Variants in GNAQ observed in about 807,000 individuals in gnomAD.
GNAQ encodes the protein G protein subunit alpha q.
GNAQ carries 8 observed loss-of-function variants against 43.9 expected under a neutral mutation model. The observed-to-expected ratio is 0.18, with a 90% CI of 0.11 to 0.33. GNAQ has a LOEUF of 0.33. GNAQ is among the 10% of genes least tolerant of loss of function. The pLI, the probability that GNAQ is intolerant of heterozygous loss-of-function variation, is 1.00. For synonymous variants in GNAQ, 155 were observed against 170.7 expected (o/e 0.91, Z 0.71); for missense variants, 158 against 450.8 (o/e 0.35, Z 5.88).
chr9:77,797,707 C>A (rs1309738066), intron 3 of GNAQ, 59 bp from the exon 4 acceptor site: 4 of 1,535,550 alleles, frequency 2.6e-6, no homozygotes, highest in African/African-American at 2.8e-5. Context: ...AAGCTGTCTA[C>A]GGAAAGGGAA....
At chr9:77,724,665 C>G (rs1825369581) in intron 6 of GNAQ, among the ~76,000 whole-genome samples, 2 of 152,042 alleles carry the variant, frequency 1.3e-5, no homozygotes, top group South Asian at 4.1e-4. Flanking sequence ...GAGATTACTC[C>G]AATAAACTTA....
intron 5 of GNAQ, among the ~76,000 whole-genome samples, chr9:77,744,714 T>G (rs1825704775): frequency 6.6e-6 from 1 of 152,218 alleles, no homozygotes; most frequent in African/African-American, 2.4e-5. Context: ...ACCATCTTGC[T>G]GTATGCTACT....
rs535816477 is a variant in GNAQ, at chr9:77,840,148, T to C, written c.322-24378A>G. On this transcript the variant is annotated intron_variant, in intron 2 of 6. Transcript: ENST00000286548. Reference sequence around the variant, plus strand: ...TTCCTTTGCCATTTTGGATGCATAGTGTATTCAGTAAATGGTTGGTTGAAT... The same window carrying C: ...TTCCTTTGCCATTTTGGATGCATAGCGTATTCAGTAAATGGTTGGTTGAAT... Among the ~76,000 whole-genome samples the C allele has an allele frequency of 1.7e-4, 26 of 152,322 alleles. No individual in the cohort carries two copies. The South Asian group carries it at 4.8e-3, about 28-fold the overall frequency.
chr9:77,902,728 A>G (rs1384771773), intron 2 of GNAQ, among the ~76,000 whole-genome samples: 1 of 152,206 alleles, frequency 6.6e-6, no homozygotes, highest in Non-Finnish European at 1.5e-5. Flanking sequence ...GTTTTTGTAC[A>G]AAACAGGATA....
At chr9:77,910,315 A>G (rs1828778872) in intron 2 of GNAQ, among the ~76,000 whole-genome samples, 1 of 152,306 alleles carries the variant, frequency 6.6e-6, no homozygotes, top group East Asian at 1.9e-4. Context: ...GCTCCAACAA[A>G]TATATTCTGC....
intron 5 of GNAQ, among the ~76,000 whole-genome samples, chr9:77,786,118 C>T (rs1040411284): frequency 2.7e-4 from 41 of 152,130 alleles, no homozygotes; most frequent in African/African-American, 9.2e-4. Flanking sequence ...TGGCTCACGC[C>T]TGTAATCCCA....
chr9:77,737,624 C>T (rs754471751), intron 5 of GNAQ, among the ~76,000 whole-genome samples: 2 of 152,126 alleles, frequency 1.3e-5, no homozygotes, highest in Non-Finnish European at 2.9e-5. Flanking sequence ...GGGTTATGTC[C>T]CCATTCACAT....
intron 2 of GNAQ, among the ~76,000 whole-genome samples, chr9:77,887,497 C>G (rs1430689621): frequency 6.6e-6 from 1 of 152,206 alleles, no homozygotes; most frequent in Non-Finnish European, 1.5e-5. Flanking sequence ...CCATACATTT[C>G]TATCTCAAAA....
At chr9:77,829,559 A>T (rs953153505) in intron 2 of GNAQ, among the ~76,000 whole-genome samples, 2 of 152,218 alleles carry the variant, frequency 1.3e-5, no homozygotes, top group African/African-American at 4.8e-5. Flanking sequence ...TGAAGCAGCA[A>T]TGACTGCGGC....
At chr9:77,797,981 G>C (rs1002901407) in intron 3 of GNAQ, among the ~76,000 whole-genome samples, 1 of 152,230 alleles carries the variant, frequency 6.6e-6, no homozygotes, top group Non-Finnish European at 1.5e-5. Context: ...GGTTGTCAAA[G>C]CAGGAGTTTA....
chr9:77,728,694 A>T (rs1393543713), intron 5 of GNAQ, 27 bp from the exon 6 acceptor site: 1 of 1,492,356 alleles, frequency 6.7e-7, no homozygotes, highest in Non-Finnish European at 9.2e-7. Flanking sequence ...AATCAGAAAA[A>T]ACAAGGAGTG....
At chr9:77,751,789 A>C (rs1400990176) in intron 5 of GNAQ, among the ~76,000 whole-genome samples, 1 of 150,726 alleles carries the variant, frequency 6.6e-6, no homozygotes, top group Non-Finnish European at 1.5e-5. Flanking sequence ...ACAGACCTCC[A>C]AAAAACAAAC....
At chr9:77,836,568 G>C (rs1483684953) in intron 2 of GNAQ, among the ~76,000 whole-genome samples, 2 of 151,994 alleles carry the variant, frequency 1.3e-5, no homozygotes, top group Admixed American at 1.3e-4. Context: ...ACCAATGCTG[G>C]AAGACACTGG....
At position 77,899,408 on chromosome 9, in the gene GNAQ, T is replaced by C. The variant is rs115457333; in HGVS notation, c.321+22753A>G. 5.5e-3 allele frequency among the ~76,000 whole-genome samples: 842 copies of C among 152,216 alleles called. 16 individuals are homozygous for C. Among genetic ancestry groups the C allele is most frequent in the African/African-American group, 0.02 (815 of 41,538 alleles). ...TACTGTGTCCGGTCTCATTCACTAA[T>C]GTGTGCATGTGTTTGTCTGTGTGTG... is the stretch of plus-strand genomic sequence containing the variant. On this transcript the variant is annotated intron_variant, in intron 2 of 6. Transcript: ENST00000286548.
intron 2 of GNAQ, among the ~76,000 whole-genome samples, chr9:77,845,780 G>A (rs771051759): frequency 2.0e-5 from 3 of 152,144 alleles, no homozygotes; most frequent in African/African-American, 4.8e-5. Context: ...ATCATCACTC[G>A]GCTTGAAGAA....
chr9:77,999,315 G>A (rs1200852716), intron 1 of GNAQ, among the ~76,000 whole-genome samples: 1 of 152,074 alleles, frequency 6.6e-6, no homozygotes, highest in Admixed American at 6.6e-5. Context: ...CCAGCCTGGA[G>A]GGCTAAGAAG....
chr9:78,001,828 G>A (rs1312032213), intron 1 of GNAQ, among the ~76,000 whole-genome samples: 1 of 152,116 alleles, frequency 6.6e-6, no homozygotes, highest in East Asian at 1.9e-4. Flanking sequence ...AGATTGATAA[G>A]TAATAGGACT....
intron 3 of GNAQ, among the ~76,000 whole-genome samples, chr9:77,808,011 C>T (rs1014157684): frequency 3.9e-4 from 60 of 152,172 alleles, no homozygotes; most frequent in Non-Finnish European, 3.7e-4. Context: ...CCCTGTTCTA[C>T]GGTAATAGGC....
At chr9:77,805,853 T>C (rs1419283291) in intron 3 of GNAQ, among the ~76,000 whole-genome samples, 1 of 152,200 alleles carries the variant, frequency 6.6e-6, no homozygotes, top group Non-Finnish European at 1.5e-5. Context: ...CATTTCAATT[T>C]CCCTCTACCA....
Sources: allele counts gnomAD v4.1 joint callset (sites outside exome capture counted in the v4.1 genomes callset), GRCh38; gene constraint gnomAD v4.1.1; transcripts MANE v1.5; gene names NCBI Gene and HGNC (gene_info 2026-07-23, HGNC 2026-07-21).